Variants in CYRIB observed in about 807,000 individuals in gnomAD.
CYRIB encodes the protein CYFIP related Rac1 interactor B.
CYRIB carries 8 observed loss-of-function variants against 44.2 expected under a neutral mutation model. That is an observed-to-expected ratio of 0.18 (90% CI 0.11 to 0.33). The LOEUF is 0.33. Ranked by LOEUF, CYRIB falls within the 10% of genes least tolerant of loss-of-function variation. The probability of loss-of-function intolerance (pLI) is 1.00; values close to 1 mark genes in which losing one functional copy is unlikely to be tolerated. For missense variants in CYRIB, 185 were observed against 382.8 expected (o/e 0.48, Z 4.31); for synonymous variants, 131 against 127.2 (o/e 1.03, Z -0.20).
chr8:129,940,319 G>GC (rs1345386549), upstream of CYRIB, among the ~76,000 whole-genome samples: 2 of 152,218 alleles, frequency 1.3e-5, no homozygotes, highest in African/African-American at 4.8e-5. Context: ...AGCCTCGCCC[G>GC]CGATTCCCGG....
intron 1 of CYRIB, chr8:130,008,414 T>C (rs188308370): frequency 6.5e-6 from 1 of 154,138 alleles, no homozygotes; most frequent in African/African-American, 2.4e-5. Context: ...GTGAAAAGAA[T>C]GGGCCTAGAA....
rs1440865177 is a variant in CYRIB at position 129,924,305 on chromosome 8, GT to G, written c.-50+15302del. 4.2e-3 allele frequency among the ~76,000 whole-genome samples: 230 copies of G among 55,392 alleles called. 6 individuals carry two copies. The highest frequency in any genetic ancestry group is 0.017 in the African/African-American group (173 of 10,044). The allele number at this position is 55,392 out of a possible 152,430, so 36.3% of individuals were successfully genotyped here. ...AAAAAAAAAACCGGGGGGGGGGGGG[GT>G]GGCGGGGGGGGTGTTACTTACCTCA... On this transcript the variant is annotated intron_variant, in intron 1 of 11. Transcript: ENST00000519824.
intron 10 of CYRIB, among the ~76,000 whole-genome samples, chr8:129,847,606 T>C (rs78608903): frequency 0.018 from 2,811 of 152,338 alleles, 89 homozygotes; most frequent in African/African-American, 0.064. Flanking sequence ...CCTGGAGTTA[T>C]GAGAGGCTGA....
At chr8:129,906,472 C>A (rs1330067681) in intron 1 of CYRIB, among the ~76,000 whole-genome samples, 5 of 152,122 alleles carry the variant, frequency 3.3e-5, no homozygotes, top group African/African-American at 7.2e-5. Flanking sequence ...TAAAGACTTA[C>A]ATGTTAGCCC....
chr8:129,923,936 G>A (rs1281664318), intron 1 of CYRIB, among the ~76,000 whole-genome samples: 1 of 150,166 alleles, frequency 6.7e-6, no homozygotes, highest in Non-Finnish European at 1.5e-5. Flanking sequence ...AACCGGTGAT[G>A]TTACCTTTTT....
At chr8:129,965,907 A>G (rs2095462129) in intron 2 of CYRIB, among the ~76,000 whole-genome samples, 1 of 151,904 alleles carries the variant, frequency 6.6e-6, no homozygotes, top group African/African-American at 2.4e-5. Flanking sequence ...GCTGGAGTGC[A>G]GTGGTGCAGT....
At chr8:129,909,712 C>T (rs553109315) in intron 1 of CYRIB, among the ~76,000 whole-genome samples, 4 of 152,202 alleles carry the variant, frequency 2.6e-5, no homozygotes, top group East Asian at 3.9e-4. Context: ...AATATAAAAA[C>T]GTTTATGAAC....
intron 2 of CYRIB, among the ~76,000 whole-genome samples, chr8:129,885,834 T>C (rs1463965960): frequency 1.3e-5 from 2 of 151,886 alleles, no homozygotes; most frequent in Non-Finnish European, 2.9e-5. Flanking sequence ...ACCTTTCTCA[T>C]GATCTCTTAA....
intron 1 of CYRIB, among the ~76,000 whole-genome samples, chr8:129,985,662 C>T (rs2096430114): frequency 6.6e-6 from 1 of 152,122 alleles, no homozygotes; most frequent in African/African-American, 2.4e-5. Context: ...AAAAATGCTT[C>T]AGAGCAAATA....
intron 1 of CYRIB, among the ~76,000 whole-genome samples, chr8:129,995,914 G>A (rs534846408): frequency 7.1e-4 from 108 of 152,190 alleles, no homozygotes; most frequent in Non-Finnish European, 1.4e-3. Context: ...TCCCTGGGTG[G>A]AAGACAAGAC....
chr8:129,966,009 C>T (rs1205376380), intron 2 of CYRIB, among the ~76,000 whole-genome samples: 2 of 151,960 alleles, frequency 1.3e-5, no homozygotes, highest in Non-Finnish European at 2.9e-5. Context: ...GTGTGGGCCA[C>T]AACACCCAGC....
At chr8:129,846,093 C>T (rs1208608016) in intron 11 of CYRIB, among the ~76,000 whole-genome samples, 2 of 152,246 alleles carry the variant, frequency 1.3e-5, no homozygotes, top group Non-Finnish European at 2.9e-5. Flanking sequence ...GATTGTGCCA[C>T]TGTACTCTAG....
chr8:129,973,071 C>G (rs1225556482), intron 1 of CYRIB, among the ~76,000 whole-genome samples: 2 of 152,122 alleles, frequency 1.3e-5, no homozygotes, highest in African/African-American at 4.8e-5. Context: ...GCATTGTGGC[C>G]ATGGAAATAA....
intron 2 of CYRIB, among the ~76,000 whole-genome samples, chr8:129,965,453 A>T (rs1591328136): frequency 6.6e-6 from 1 of 152,172 alleles, no homozygotes; most frequent in African/African-American, 2.4e-5. Context: ...ATTCCTTCTT[A>T]GCAGATATGA....
At chr8:129,905,511 A>G (rs1180584430) in intron 1 of CYRIB, among the ~76,000 whole-genome samples, 1 of 152,168 alleles carries the variant, frequency 6.6e-6, no homozygotes, top group Non-Finnish European at 1.5e-5. Context: ...ACTTTTCTCT[A>G]TGAGTTAGTT....
intron 1 of CYRIB, among the ~76,000 whole-genome samples, chr8:130,001,276 A>G (rs1030342501): frequency 6.6e-6 from 1 of 152,086 alleles, no homozygotes; most frequent in African/African-American, 2.4e-5. Flanking sequence ...CCTCTCCCCA[A>G]GAGAAGTTGG....
At chr8:129,927,828 G>T (rs1380707138) in intron 1 of CYRIB, among the ~76,000 whole-genome samples, 1 of 152,122 alleles carries the variant, frequency 6.6e-6, no homozygotes, top group Non-Finnish European at 1.5e-5. Flanking sequence ...AGAAATAAAA[G>T]TCTATAGAAA....
intron 2 of CYRIB, among the ~76,000 whole-genome samples, chr8:129,955,628 CCAA>C (rs2094781659): frequency 6.6e-6 from 1 of 152,162 alleles, no homozygotes; most frequent in Non-Finnish European, 1.5e-5. Flanking sequence ...ATCAAAAAGA[CCAA>C]CAACAGTAAG....
At chr8:129,969,199 A>G (rs1040343648) in intron 2 of CYRIB, among the ~76,000 whole-genome samples, 1 of 151,938 alleles carries the variant, frequency 6.6e-6, no homozygotes, top group Admixed American at 6.6e-5. Context: ...TTTTCAGTAG[A>G]GACAGGCCTT....
Sources: gnomAD v4.1 joint callset for allele counts (sites outside exome capture counted in the v4.1 genomes callset) on GRCh38, gnomAD v4.1.1 for gene constraint, MANE v1.5 for transcripts, NCBI Gene and HGNC (gene_info 2026-07-23, HGNC 2026-07-21) for gene names.